Variants in ROCK1 observed in about 807,000 individuals in gnomAD.
ROCK1 encodes rho-associated protein kinase 1.
Under a neutral mutation model 196.8 loss-of-function variants are expected in ROCK1, and 36 were observed. The observed-to-expected ratio is 0.18, with a 90% CI of 0.14 to 0.24. The LOEUF (loss-of-function observed/expected upper bound fraction) is 0.24, where lower values mean the gene tolerates loss of function less well. ROCK1 is among the 10% of genes least tolerant of loss of function. The probability of loss-of-function intolerance (pLI) is 1.00; values close to 1 mark genes in which losing one functional copy is unlikely to be tolerated. For synonymous variants in ROCK1, 443 were observed against 515.9 expected (o/e 0.86, Z 1.91); for missense variants, 920 against 1,562.0 (o/e 0.59, Z 6.93).
intron 4 of ROCK1, among the ~76,000 whole-genome samples, chr18:21,048,519 C>A (rs2036179589): frequency 6.6e-6 from 1 of 152,032 alleles, no homozygotes; most frequent in South Asian, 2.1e-4. Flanking sequence ...TTAAAAATAT[C>A]TAATTTAAAA....
chr18:20,953,099 A>G (rs2663701), intron 32 of ROCK1, among the ~76,000 whole-genome samples: 5 of 152,164 alleles, frequency 3.3e-5, no homozygotes, highest in Non-Finnish European at 5.9e-5. Flanking sequence ...TTCTGCACAT[A>G]TATCCCAGAA....
intron 1 of ROCK1, among the ~76,000 whole-genome samples, chr18:21,109,744 C>T (rs1298238559): frequency 6.6e-6 from 1 of 152,106 alleles, no homozygotes; most frequent in African/African-American, 2.4e-5. Flanking sequence ...CTGAAATGCA[C>T]GTTAATTTTA....
chr18:21,094,372 A>C (rs2143590489), intron 1 of ROCK1, among the ~76,000 whole-genome samples: 1 of 152,322 alleles, frequency 6.6e-6, no homozygotes, highest in East Asian at 1.9e-4. Flanking sequence ...CAAGGGATTA[A>C]TAACTAGAAT....
chr18:21,053,102 T>C (rs1027411743), intron 2 of ROCK1, among the ~76,000 whole-genome samples: 2 of 152,110 alleles, frequency 1.3e-5, no homozygotes, highest in African/African-American at 2.4e-5. Context: ...TTGATGCCAC[T>C]CCCAATACCC....
chr18:21,064,042 ATTTC>A (rs1166339844), intron 2 of ROCK1, among the ~76,000 whole-genome samples: 13 of 152,302 alleles, frequency 8.5e-5, no homozygotes, highest in African/African-American at 3.1e-4. Flanking sequence ...ACTTACTTCA[ATTTC>A]TTTATCTAAG....
intron 2 of ROCK1, among the ~76,000 whole-genome samples, chr18:21,052,838 A>C (rs2036215050): frequency 6.6e-6 from 1 of 152,140 alleles, no homozygotes; most frequent in African/African-American, 2.4e-5. Flanking sequence ...GTCTTCCACA[A>C]AACTGGTCCC....
chr18:21,004,304 C>T (rs2035751040), intron 16 of ROCK1, among the ~76,000 whole-genome samples: 1 of 152,054 alleles, frequency 6.6e-6, no homozygotes, highest in African/African-American at 2.4e-5. Context: ...TGCCAGAAGC[C>T]CACCATCCCA....
intron 1 of ROCK1, among the ~76,000 whole-genome samples, chr18:21,079,795 A>C (rs986742495): frequency 6.6e-6 from 1 of 152,214 alleles, no homozygotes; most frequent in Non-Finnish European, 1.5e-5. Flanking sequence ...AAGCCTGTAC[A>C]TAGGGGACCT....
At chr18:21,074,896 T>C (rs1011177603) in intron 1 of ROCK1, among the ~76,000 whole-genome samples, 4 of 151,942 alleles carry the variant, frequency 2.6e-5, no homozygotes, top group Admixed American at 2.0e-4. Context: ...CCTTGAAGAA[T>C]AGAATTATGA....
chr18:21,033,886 T>TAAAAAAAAAAAAAAAAAAAAAAAA (rs2036033038), intron 9 of ROCK1, among the ~76,000 whole-genome samples: 1 of 46,014 alleles, frequency 2.2e-5, no homozygotes, highest in Admixed American at 2.7e-4. Flanking sequence ...AAAAAAAAAT[T>TAAAAAAAAAAAAAAAAAAAAAAAA]AGCCGGGTGT....
intron 13 of ROCK1, among the ~76,000 whole-genome samples, chr18:21,014,282 AG>A (rs2035844643): frequency 6.6e-6 from 1 of 152,156 alleles, no homozygotes; most frequent in Admixed American, 6.5e-5. Flanking sequence ...TGCAGCAAAA[AG>A]AAAACCCTGA....
chr18:21,050,622 T>C (rs2036196223), intron 2 of ROCK1, among the ~76,000 whole-genome samples: 1 of 152,122 alleles, frequency 6.6e-6, no homozygotes, highest in Non-Finnish European at 1.5e-5. Flanking sequence ...CATTTCAGAG[T>C]TGTACAAAAT....
intron 9 of ROCK1, among the ~76,000 whole-genome samples, chr18:21,029,542 C>G (rs1035578154): frequency 6.6e-6 from 1 of 152,038 alleles, no homozygotes; most frequent in Non-Finnish European, 1.5e-5. Context: ...CCTCTAGAAT[C>G]AAGTGATTAA....
chr18:20,993,226 C>T (rs573232899), intron 16 of ROCK1, among the ~76,000 whole-genome samples: 3 of 151,904 alleles, frequency 2.0e-5, no homozygotes, highest in South Asian at 2.1e-4. Flanking sequence ...TTTTTTGAGA[C>T]GGAGTCTCGC....
chr18:20,989,526 C>A (rs1179461280), intron 18 of ROCK1, among the ~76,000 whole-genome samples: 1 of 152,140 alleles, frequency 6.6e-6, no homozygotes, highest in Admixed American at 6.5e-5. Flanking sequence ...TATAAAGAAT[C>A]TGACACCATT....
intron 2 of ROCK1, among the ~76,000 whole-genome samples, chr18:21,053,689 G>A (rs2036223456): frequency 6.6e-6 from 1 of 152,094 alleles, no homozygotes; most frequent in African/African-American, 2.4e-5. Flanking sequence ...TTAAAAATTA[G>A]CCAGGCCCAT....
intron 16 of ROCK1, among the ~76,000 whole-genome samples, chr18:20,993,748 C>G (rs996771070): frequency 6.6e-6 from 1 of 152,118 alleles, no homozygotes; most frequent in African/African-American, 2.4e-5. Flanking sequence ...TAGTAATTGT[C>G]TACTCATTAA....
rs2036147549 is a variant in ROCK1, at chr18:21,045,470, A to G, written c.415-3T>C. On this transcript the variant is annotated splice_region_variant and splice_polypyrimidine_tract_variant and intron_variant, in intron 4 of 32. Coordinates refer to ENST00000399799, the MANE Select transcript of ROCK1 (RefSeq NM_005406.3). ...TCATCTTGGAATGCATAAAAAAGCT[A>G]TACAAATAGAAAAAACAAACAAAAC... is the stretch of plus-strand genomic sequence containing the variant. 6.4e-7 allele frequency: 1 copy of G among 1,574,216 alleles called. No individual in the cohort carries two copies. Among genetic ancestry groups the G allele is most frequent in the African/African-American group, 1.4e-5 (1 of 73,246 alleles).
intron 1 of ROCK1, among the ~76,000 whole-genome samples, chr18:21,072,181 A>C (rs2036391291): frequency 6.6e-6 from 1 of 152,202 alleles, no homozygotes; most frequent in South Asian, 2.1e-4. Context: ...CAAGTATTTG[A>C]TCATGTGTTT....
Sources: gnomAD v4.1 joint callset for allele counts (sites outside exome capture counted in the v4.1 genomes callset) on GRCh38, gnomAD v4.1.1 for gene constraint, MANE v1.5 for transcripts, NCBI Gene and HGNC (gene_info 2026-07-23, HGNC 2026-07-21) for gene names.